ZPBP: variants seen among roughly 807,000 people sequenced by gnomAD.
The protein encoded by ZPBP is zona pellucida-binding protein 1.
In ZPBP, 26 loss-of-function variants were observed where a neutral mutation model predicts 44.8. The ratio of observed to expected loss-of-function variants is 0.58; its 90% CI spans 0.43 to 0.81. The LOEUF (loss-of-function observed/expected upper bound fraction) is 0.81. Ranked by LOEUF, ZPBP falls within the 30% of genes least tolerant of loss-of-function variation. The pLI, the probability that ZPBP is intolerant of heterozygous loss-of-function variation, is 0.00. For missense variants in ZPBP, 409 were observed against 434.0 expected (o/e 0.94, Z 0.51); for synonymous variants, 174 against 153.2 (o/e 1.14, Z -1.00).
chr7:50,064,716 C>T (rs1801416643), intron 3 of ZPBP, among the ~76,000 whole-genome samples: 1 of 152,224 alleles, frequency 6.6e-6, no homozygotes, highest in Non-Finnish European at 1.5e-5. Context: ...CTCTCTTATT[C>T]CCTGAACAAT....
chr7:49,949,350 A>C (rs1026149200), intron 7 of ZPBP, among the ~76,000 whole-genome samples: 1 of 152,180 alleles, frequency 6.6e-6, no homozygotes, highest in African/African-American at 2.4e-5. Flanking sequence ...TTAATGCAGC[A>C]TTATTCACAA....
intron 2 of ZPBP, among the ~76,000 whole-genome samples, chr7:50,089,340 T>G (rs1802829857): frequency 6.6e-6 from 1 of 152,110 alleles, no homozygotes; most frequent in African/African-American, 2.4e-5. Context: ...ATATTTGCAC[T>G]ATATACATTT....
At chr7:49,981,419 A>C (rs1157512294) in intron 7 of ZPBP, among the ~76,000 whole-genome samples, 1 of 39,688 alleles carries the variant, frequency 2.5e-5, no homozygotes, top group African/African-American at 9.7e-5. Context: ...TATATAATAT[A>C]TAATATAAAA....
intron 3 of ZPBP, among the ~76,000 whole-genome samples, chr7:50,064,136 C>T (rs1360280817): frequency 1.3e-5 from 2 of 152,152 alleles, no homozygotes; most frequent in African/African-American, 2.4e-5. Context: ...TAAAGCTGGG[C>T]ATCCGGGGGA....
At chr7:50,018,659 A>C in intron 5 of ZPBP, among the ~76,000 whole-genome samples, 1 of 151,964 alleles carries the variant, frequency 6.6e-6, no homozygotes, top group East Asian at 1.9e-4. Context: ...TCAATACTGT[A>C]TTTAACTCTA....
At chr7:49,956,154 G>A (rs1369565085) in intron 7 of ZPBP, among the ~76,000 whole-genome samples, 2 of 151,920 alleles carry the variant, frequency 1.3e-5, no homozygotes, top group African/African-American at 4.8e-5. Flanking sequence ...ACTCACACAG[G>A]GAAGAGTATC....
At chr7:50,012,064 A>T (rs902436686) in intron 6 of ZPBP, among the ~76,000 whole-genome samples, 13 of 151,884 alleles carry the variant, frequency 8.6e-5, no homozygotes, top group African/African-American at 2.7e-4. Context: ...GGAAATTAGA[A>T]AAAAAACTGA....
At chr7:49,925,232 A>G (rs556369058) in intron 1 of ZPBP, among the ~76,000 whole-genome samples, 1 of 152,332 alleles carries the variant, frequency 6.6e-6, no homozygotes, top group South Asian at 2.1e-4. Context: ...GGTGAGATAT[A>G]GTATGTACAG....
intron 5 of ZPBP, among the ~76,000 whole-genome samples, chr7:50,025,003 T>C (rs1799259492): frequency 6.6e-6 from 1 of 151,910 alleles, no homozygotes; most frequent in Non-Finnish European, 1.5e-5. Flanking sequence ...TCAATTGCTT[T>C]CCTATGTACT....
At position 49,937,593 on chromosome 7, in the gene ZPBP, G is replaced by A. The variant is rs748048284; in HGVS notation, c.991C>T (p.Arg331Cys). 2.3e-5 allele frequency: 37 copies of A among 1,613,590 alleles called. No individual in the cohort carries two copies. Among genetic ancestry groups the A allele is most frequent in the Non-Finnish European group, 2.8e-5 (33 of 1,179,792 alleles). ...VICSPGSYNP[R>C]DGIHCLQCNS... ...CATTGAAGGCAATGAATTCCATCAC[G>A]GGGGTTATATGATCCAGGGCTGCAG... Residue 331 changes from arginine (R) to cysteine (C), a missense_variant, in exon 8 of 8, where the codon CGT becomes TGT. By Grantham distance (180) the Arg-to-Cys change is radical. Coordinates refer to ENST00000046087, the MANE Select transcript of ZPBP (RefSeq NM_007009.3).
At chr7:50,060,173 C>T (rs887853894) in intron 3 of ZPBP, among the ~76,000 whole-genome samples, 8 of 151,760 alleles carry the variant, frequency 5.3e-5, no homozygotes, top group Non-Finnish European at 7.4e-5. Context: ...AACCCATGGA[C>T]ATTTGGGCTG....
chr7:49,921,909 T>C (rs2128747448), intron 1 of ZPBP: 1 of 152,302 alleles, frequency 6.6e-6, no homozygotes, highest in Non-Finnish European at 1.5e-5. Context: ...GATGGGTATG[T>C]GTATTGACCT....
intron 7 of ZPBP, among the ~76,000 whole-genome samples, chr7:49,979,671 T>A (rs1424493658): frequency 6.6e-6 from 1 of 150,864 alleles, no homozygotes; most frequent in Non-Finnish European, 1.5e-5. Flanking sequence ...AAAATACTTA[T>A]AATTGAGGAG....
intron 3 of ZPBP, among the ~76,000 whole-genome samples, chr7:50,078,041 A>G (rs937747701): frequency 1.3e-5 from 2 of 151,844 alleles, no homozygotes; most frequent in Admixed American, 6.6e-5. Context: ...CATATACACA[A>G]TGGAGTACTG....
intron 4 of ZPBP, among the ~76,000 whole-genome samples, chr7:50,032,544 G>C (rs1799649600): frequency 6.6e-6 from 1 of 152,150 alleles, no homozygotes. Flanking sequence ...ACACAAACCA[G>C]CAACAATTCA....
chr7:49,855,200 C>CT (rs1374201842), intron 2 of ZPBP, among the ~76,000 whole-genome samples: 1 of 152,208 alleles, frequency 6.6e-6, no homozygotes, highest in East Asian at 1.9e-4. Context: ...AAAGGCAAAT[C>CT]TTTCTTTTTC....
chr7:49,928,355 T>G (rs1794321192), intron 1 of ZPBP, among the ~76,000 whole-genome samples: 1 of 152,218 alleles, frequency 6.6e-6, no homozygotes, highest in Non-Finnish European at 1.5e-5. Flanking sequence ...TCTATGCCTC[T>G]GATCAGTGGG....
At chr7:49,949,633 G>A (rs1447082504) in intron 7 of ZPBP, among the ~76,000 whole-genome samples, 1 of 151,804 alleles carries the variant, frequency 6.6e-6, no homozygotes, top group African/African-American at 2.4e-5. Flanking sequence ...GAGGGAGAAG[G>A]GAATGGGGAG....
intron 1 of ZPBP, among the ~76,000 whole-genome samples, chr7:50,090,537 GTATA>G (rs1562622427): frequency 6.6e-6 from 1 of 151,004 alleles, no homozygotes; most frequent in African/African-American, 2.4e-5. Flanking sequence ...ATATATGTGT[GTATA>G]TATGTGTGCA....
Sources: gnomAD v4.1 joint callset for allele counts (sites outside exome capture counted in the v4.1 genomes callset) on GRCh38, gnomAD v4.1.1 for gene constraint, MANE v1.5 for transcripts, NCBI Gene and HGNC (gene_info 2026-07-23, HGNC 2026-07-21) for gene names.